ANAPC10: variants seen among roughly 807,000 people sequenced by gnomAD.
ANAPC10 encodes anaphase-promoting complex subunit 10.
In ANAPC10, 12 loss-of-function variants were observed where a neutral mutation model predicts 22.0. That is an observed-to-expected ratio of 0.55 (90% confidence interval 0.35 to 0.88). The LOEUF is 0.88. Among genes scored for constraint, ANAPC10 ranks in the 40% least tolerant of loss-of-function variants. The probability of loss-of-function intolerance (pLI) is 0.01; values close to 1 mark genes in which losing one functional copy is unlikely to be tolerated. For missense variants in ANAPC10, 188 were observed against 220.9 expected, an observed-to-expected ratio of 0.85 and a Z score of 0.94; for synonymous variants, 65 against 69.5, an observed-to-expected ratio of 0.94 and a Z score of 0.32.
chr4:145,013,414 AAAGAG>A (rs755191192), intron 4 of ANAPC10, among the ~76,000 whole-genome samples: 2 of 152,204 alleles, frequency 1.3e-5, no homozygotes, highest in Admixed American at 6.5e-5. Flanking sequence ...TAATAGTAGA[AAAGAG>A]AAAACTCATA....
chr4:145,082,667 C>G (rs1412782809), intron 2 of ANAPC10, among the ~76,000 whole-genome samples: 1 of 152,100 alleles, frequency 6.6e-6, no homozygotes, highest in East Asian at 1.9e-4. Flanking sequence ...TCTGATTAAT[C>G]AAAATTAAAT....
chr4:145,007,939 C>T (rs1578883832), intron 4 of ANAPC10, among the ~76,000 whole-genome samples: 1 of 150,484 alleles, frequency 6.6e-6, no homozygotes, highest in East Asian at 1.9e-4. Flanking sequence ...AGACCGCTAG[C>T]AAGACTAATA....
Position 144,995,030 on chromosome 4 carries a change from A to C in ANAPC10, c.*343T>G, listed in dbSNP as rs984396630. On this transcript the variant is annotated 3_prime_UTR_variant, in exon 5 of 5. Coordinates refer to ENST00000507656, the MANE Select transcript of ANAPC10 (RefSeq NM_001256706.2). The stretch of plus-strand genomic sequence containing the variant: ...ACCATTACTCTAATGTATGAACACT[A>C]ATGAAATAATCACCTAGCTATTATA... 3 of 171,354 alleles carry C rather than the reference A, an allele frequency of 1.8e-5. No homozygotes were observed. The highest frequency in any genetic ancestry group is 7.2e-5 in the African/African-American group (3 of 41,676). 10.6% of individuals were successfully genotyped at this position (171,354 alleles called of 1,614,324 possible). A position where few individuals can be genotyped will look rare whatever the true frequency, so the allele number is the denominator to read the frequency against.
At chr4:145,019,295 A>T (rs184080885) in intron 4 of ANAPC10, among the ~76,000 whole-genome samples, 13 of 152,338 alleles carry the variant, frequency 8.5e-5, no homozygotes, top group African/African-American at 2.9e-4. Context: ...TTCCAAAAGG[A>T]ACCTTCAAAA....
intron 4 of ANAPC10, among the ~76,000 whole-genome samples, chr4:144,998,296 T>C (rs561471794): frequency 1.3e-5 from 2 of 152,148 alleles, no homozygotes; most frequent in Non-Finnish European, 2.9e-5. Flanking sequence ...CAGCACCACA[T>C]TGCACTTATT....
chr4:145,001,518 A>C (rs1292737843), intron 4 of ANAPC10, among the ~76,000 whole-genome samples: 1 of 152,152 alleles, frequency 6.6e-6, no homozygotes, highest in Non-Finnish European at 1.5e-5. Context: ...CAAAATGAAG[A>C]GTTTTGACGA....
At chr4:145,016,730 G>A (rs2126959592) in intron 4 of ANAPC10, among the ~76,000 whole-genome samples, 1 of 152,216 alleles carries the variant, frequency 6.6e-6, no homozygotes, top group Non-Finnish European at 1.5e-5. Context: ...ATACTACAAG[G>A]CTACAGTAAC....
intron 3 of ANAPC10, among the ~76,000 whole-genome samples, chr4:145,071,491 TACTC>T (rs1442047665): frequency 2.0e-5 from 3 of 152,228 alleles, no homozygotes; most frequent in African/African-American, 7.2e-5. Flanking sequence ...TACTGTTTAT[TACTC>T]ACCATCTCAA....
At chr4:145,056,164 G>A (rs1479964294) in intron 4 of ANAPC10, among the ~76,000 whole-genome samples, 2 of 152,100 alleles carry the variant, frequency 1.3e-5, no homozygotes, top group Non-Finnish European at 2.9e-5. Context: ...TGAGATACAA[G>A]GTCAGCATAA....
chr4:145,087,817 T>C (rs1747116211), intron 2 of ANAPC10, among the ~76,000 whole-genome samples: 1 of 152,060 alleles, frequency 6.6e-6, no homozygotes, highest in African/African-American at 2.4e-5. Context: ...GAGGCTGAGG[T>C]GGGCGGATCA....
At chr4:145,090,440 T>C (rs371035372) in intron 2 of ANAPC10, among the ~76,000 whole-genome samples, 103 of 152,314 alleles carry the variant, frequency 6.8e-4, no homozygotes, top group African/African-American at 2.3e-3. Context: ...GAAATCTTAT[T>C]CTTGCTTCAT....
chr4:145,049,164 C>A (rs1280417902), intron 4 of ANAPC10, among the ~76,000 whole-genome samples: 1 of 152,186 alleles, frequency 6.6e-6, no homozygotes, highest in Non-Finnish European at 1.5e-5. Flanking sequence ...ATCCCCTGAT[C>A]CTTCAACAAG....
intron 4 of ANAPC10, among the ~76,000 whole-genome samples, chr4:145,011,336 A>AAAAATAAAATAAAAT (rs70956822): frequency 0.091 from 11,767 of 130,004 alleles, 880 homozygotes; most frequent in Non-Finnish European, 0.12. Context: ...GACTGTCTTA[A>AAAAATAAAATAAAAT]AAAATAAAAT....
chr4:144,998,206 G>A (rs1731924505), intron 4 of ANAPC10, among the ~76,000 whole-genome samples: 1 of 152,158 alleles, frequency 6.6e-6, no homozygotes, highest in Admixed American at 6.6e-5. Flanking sequence ...TCCAGGAATT[G>A]AACTCAGCTC....
At chr4:145,010,654 C>G (rs1032357620) in intron 4 of ANAPC10, among the ~76,000 whole-genome samples, 1 of 151,864 alleles carries the variant, frequency 6.6e-6, no homozygotes, top group African/African-American at 2.4e-5. Context: ...TGGGGAACAT[C>G]GCACCCTGGG....
chr4:145,008,408 C>T (rs1013883016), intron 4 of ANAPC10, among the ~76,000 whole-genome samples: 2 of 152,142 alleles, frequency 1.3e-5, no homozygotes, highest in African/African-American at 2.4e-5. Flanking sequence ...GACCAATATC[C>T]CTGATGAACA....
At chr4:145,007,216 T>C (rs1348973732) in intron 4 of ANAPC10, among the ~76,000 whole-genome samples, 1 of 152,044 alleles carries the variant, frequency 6.6e-6, no homozygotes, top group East Asian at 1.9e-4. Context: ...CCACTGTCAA[T>C]ATTAGACACA....
Position 144,995,526 on chromosome 4 carries a change from G to A in ANAPC10, c.405C>T (p.Phe135=). 6.2e-7 allele frequency: 1 copy of A among 1,613,898 alleles called. No homozygotes were observed. ...TGGCTAGAACAGCAATCTGTATCAT[G>A]AATGTACGAGTTGGCTTCTTATGAT... The part of the protein sequence containing the change: ...TDNHKKPTRT[F]MIQIAVLANH... The change falls in exon 5 of 5, where the codon TTC becomes TTT. Residue 135 remains phenylalanine (F), a synonymous_variant. Coordinates refer to ENST00000507656, the MANE Select transcript of ANAPC10 (RefSeq NM_001256706.2).
chr4:145,081,551 A>G (rs1358048866), intron 3 of ANAPC10, 109 bp downstream of exon 3: 1 of 670,104 alleles, frequency 1.5e-6, no homozygotes, highest in East Asian at 2.9e-5. Context: ...GAGTTTAAAA[A>G]GTTAAGTGTA....
Sources: allele counts gnomAD v4.1 joint callset (sites outside exome capture counted in the v4.1 genomes callset), GRCh38; gene constraint gnomAD v4.1.1; transcripts MANE v1.5; gene names NCBI Gene and HGNC (gene_info 2026-07-23, HGNC 2026-07-21).